Variants in CHLSN observed in about 807,000 individuals in gnomAD.
CHLSN encodes the protein protein cholesin.
At chr7:1,105,638 G>A in the CHLSN span, among the ~76,000 whole-genome samples, 3 of 151,860 alleles carry the variant, frequency 2.0e-5, no homozygotes, top group South Asian at 4.1e-4. Context: ...ATTTTAAGAC[G>A]AAGTCTCACT....
At chr7:1,091,467 C>T in the CHLSN span, 8 of 460,246 alleles carry the variant, frequency 1.7e-5, no homozygotes, top group Middle Eastern at 5.7e-4. Flanking sequence ...CCCGCAGGGA[C>T]GCCCGCCGGA....
At chr7:1,097,277 G>T in the CHLSN span, among the ~76,000 whole-genome samples, 1 of 152,214 alleles carries the variant, frequency 6.6e-6, no homozygotes. This position sits in a 1 kb window ranked among gnomAD's most constrained non-coding sequence, Gnocchi z 4.3. Context: ...TTGGGCCGGG[G>T]CAGGGAGAGA....
chr7:1,008,827 CA>C, the CHLSN span, among the ~76,000 whole-genome samples: 8 of 44,322 alleles, frequency 1.8e-4, no homozygotes, highest in South Asian at 5.8e-4. Flanking sequence ...CACATATACA[CA>C]ACGTGTATAC....
the CHLSN span, among the ~76,000 whole-genome samples, chr7:1,059,615 T>G: frequency 2.6e-4 from 11 of 42,690 alleles, no homozygotes; most frequent in South Asian, 8.6e-4. Context: ...GGTCAGTAGG[T>G]GGTTCTTAGT....
the CHLSN span, among the ~76,000 whole-genome samples, chr7:1,002,724 G>T: frequency 1.8e-4 from 20 of 111,216 alleles, no homozygotes; most frequent in Non-Finnish European, 3.5e-4. Flanking sequence ...GAGCCCTGTG[G>T]GTGAGTGGAA....
At chr7:1,016,628 G>GCAGCGCA in the CHLSN span, among the ~76,000 whole-genome samples, 1 of 98,190 alleles carries the variant, frequency 1.0e-5, no homozygotes, top group African/African-American at 4.8e-5. Flanking sequence ...CCAGAGCACA[G>GCAGCGCA]TAGCGCACGC....
chr7:1,027,760 C>A, the CHLSN span, among the ~76,000 whole-genome samples: 1 of 152,264 alleles, frequency 6.6e-6, no homozygotes, highest in Non-Finnish European at 1.5e-5. Flanking sequence ...TACCCCGGCA[C>A]AGGGAGGGGC....
the CHLSN span, among the ~76,000 whole-genome samples, chr7:1,039,611 G>A: frequency 6.4e-5 from 4 of 62,018 alleles, 1 homozygote; most frequent in Non-Finnish European, 1.1e-4. Context: ...GCCTCTGCCC[G>A]GCCGCCCCTA....
chr7:1,070,933 GCACACATGCA>G, the CHLSN span, among the ~76,000 whole-genome samples: 1 of 127,374 alleles, frequency 7.9e-6, no homozygotes, highest in Non-Finnish European at 1.7e-5. Context: ...GCACAGACAC[GCACACATGCA>G]CACACACACA....
At chr7:1,068,592 C>T in the CHLSN span, among the ~76,000 whole-genome samples, 1 of 152,146 alleles carries the variant, frequency 6.6e-6, no homozygotes, top group Non-Finnish European at 1.5e-5. Context: ...TACAGAAGAC[C>T]AGGCCCCTGC....
chr7:1,114,114 G>A, the CHLSN span, among the ~76,000 whole-genome samples: 19 of 152,210 alleles, frequency 1.2e-4, no homozygotes, highest in South Asian at 6.2e-4. Context: ...GCAAGGACAC[G>A]GCCCTGATCA....
chr7:1,111,741 A>G, the CHLSN span, among the ~76,000 whole-genome samples: 1 of 152,188 alleles, frequency 6.6e-6, no homozygotes, highest in Non-Finnish European at 1.5e-5. Flanking sequence ...GGTTGAGGCT[A>G]CAGTGAGCCA....
At chr7:1,079,130 C>A in the CHLSN span, among the ~76,000 whole-genome samples, 1 of 152,180 alleles carries the variant, frequency 6.6e-6, no homozygotes. Flanking sequence ...GGTCACAAGA[C>A]CAGCAGGGCA....
At chr7:1,125,789 C>A in the CHLSN span, among the ~76,000 whole-genome samples, 1 of 152,202 alleles carries the variant, frequency 6.6e-6, no homozygotes, top group South Asian at 2.1e-4. Context: ...TGCCCTTCCA[C>A]GGGGTGGTAA....
the CHLSN span, among the ~76,000 whole-genome samples, chr7:1,136,566 A>T: frequency 2.1e-5 from 1 of 47,326 alleles, no homozygotes; most frequent in Non-Finnish European, 4.7e-5. Flanking sequence ...ATATAAACAT[A>T]TAAACATAAA....
At chr7:1,098,809 C>T in the CHLSN span, among the ~76,000 whole-genome samples, 4 of 152,190 alleles carry the variant, frequency 2.6e-5, no homozygotes, top group Middle Eastern at 3.4e-3. Flanking sequence ...GGCTGGGAAG[C>T]GGCTGCCGGG....
the CHLSN span, among the ~76,000 whole-genome samples, chr7:1,096,669 A>C: frequency 6.6e-6 from 1 of 152,250 alleles, no homozygotes; most frequent in East Asian, 1.9e-4. The surrounding 1 kb of genome is among the most constrained non-coding windows in gnomAD (Gnocchi z 4.6). Context: ...GAAAGAGCTC[A>C]AAAGTACATA....
At chr7:1,117,614 T>C in the CHLSN span, among the ~76,000 whole-genome samples, 32,282 of 82,098 alleles carry the variant, frequency 0.39, 5,614 homozygotes, top group African/African-American at 0.43. Context: ...TCACCGACGC[T>C]CACGCAGGAT....
chr7:1,006,463 AGC>A, the CHLSN span, among the ~76,000 whole-genome samples: 2 of 149,342 alleles, frequency 1.3e-5, no homozygotes, highest in South Asian at 2.1e-4. Context: ...CGACGGCCAC[AGC>A]GCAGGGAAAG....
Sources: gnomAD v4.1 joint callset for allele counts (sites outside exome capture counted in the v4.1 genomes callset) on GRCh38, gnomAD v4.1.1 for gene constraint, Gnocchi (gnomAD v3.1) non-coding constraint, MANE v1.5 for transcripts, NCBI Gene and HGNC (gene_info 2026-07-23, HGNC 2026-07-21) for gene names.